The following SVEP1 variants were observed in gnomAD, a reference collection of about 807,000 sequenced individuals.
SVEP1 encodes sushi, von Willebrand factor type A, EGF and pentraxin domain containing 1.
Under a neutral mutation model 367.3 loss-of-function variants are expected in SVEP1, and 164 were observed. The observed-to-expected ratio is 0.45, with a 90% CI of 0.39 to 0.51. The LOEUF is 0.51. SVEP1 is among the 20% of genes least tolerant of loss of function. The probability of loss-of-function intolerance (pLI) is 0.00; values close to 1 mark genes in which losing one functional copy is unlikely to be tolerated. For missense variants in SVEP1, 4,117 were observed against 4,425.3 expected (o/e 0.93, Z 1.98); for synonymous variants, 1,666 against 1,611.6 (o/e 1.03, Z -0.81).
chr9:110,441,781 TG>T (rs1791742977), intron 27 of SVEP1, among the ~76,000 whole-genome samples: 1 of 152,230 alleles, frequency 6.6e-6, no homozygotes, highest in Non-Finnish European at 1.5e-5. Flanking sequence ...GAAACCTCTT[TG>T]TTGTTTAGGA....
chr9:110,386,193 T>A (rs1408752071), intron 42 of SVEP1, 119 bp from the exon 43 acceptor site: 2 of 1,084,288 alleles, frequency 1.8e-6, no homozygotes, highest in African/African-American at 3.2e-5. Flanking sequence ...ATATAAGGTT[T>A]AAAAATATGG....
At chr9:110,463,001 G>A (rs761008810) in intron 18 of SVEP1, among the ~76,000 whole-genome samples, 9 of 152,068 alleles carry the variant, frequency 5.9e-5, no homozygotes, top group Non-Finnish European at 1.0e-4. Context: ...AACTATGTGA[G>A]ATGATGTATA....
chr9:110,418,756 A>G (rs1828150818), intron 36 of SVEP1, among the ~76,000 whole-genome samples: 1 of 82,148 alleles, frequency 1.2e-5, no homozygotes, highest in African/African-American at 4.6e-5. Context: ...CATCAGACTA[A>G]CAGCGGATCT....
chr9:110,569,813 T>A lies in SVEP1; in HGVS notation c.531+9200A>T, dbSNP rs550494615. Among the ~76,000 whole-genome samples, 6 of 152,340 alleles carry A rather than the reference T, an allele frequency of 3.9e-5. No homozygotes were observed. In the South Asian group the frequency reaches 1.0e-3, roughly 26 times the overall value. ...GCTTACAGCTTACACATTTAGTACA[T>A]CTATGAAATAACTATATGCTCTGAA... On this transcript the variant is annotated intron_variant, in intron 1 of 47. Coordinates refer to ENST00000374469, the MANE Select transcript of SVEP1 (RefSeq NM_153366.4).
At chr9:110,366,915 GC>G (rs1827210418) in intron 47 of SVEP1, among the ~76,000 whole-genome samples, 1 of 152,168 alleles carries the variant, frequency 6.6e-6, no homozygotes, top group Non-Finnish European at 1.5e-5. Context: ...TATGATATTT[GC>G]TTAGGATCAG....
chr9:110,542,871 G>A (rs148448883), intron 3 of SVEP1, among the ~76,000 whole-genome samples: 2 of 150,796 alleles, frequency 1.3e-5, no homozygotes, highest in African/African-American at 2.4e-5. Flanking sequence ...TGTGAATGAC[G>A]AGTTAATGGG....
At chr9:110,436,940 A>C (rs1828438745) in intron 27 of SVEP1, among the ~76,000 whole-genome samples, 1 of 152,146 alleles carries the variant, frequency 6.6e-6, no homozygotes, top group African/African-American at 2.4e-5. Context: ...CGTAATTGCC[A>C]AATTCAATAA....
chr9:110,541,840 TAGATATCTATATATATCTATATAC>T (rs1830152118), intron 3 of SVEP1, among the ~76,000 whole-genome samples: 3 of 138,782 alleles, frequency 2.2e-5, no homozygotes, highest in Admixed American at 1.4e-4. Context: ...TCTATATACA[TAGATATCTATATATATCTATATAC>T]ATAGATATCT....
chr9:110,376,325 T>C (rs1827350643), intron 45 of SVEP1, among the ~76,000 whole-genome samples: 1 of 152,164 alleles, frequency 6.6e-6, no homozygotes, highest in Non-Finnish European at 1.5e-5. Flanking sequence ...CCAAAGTCAA[T>C]GCTTACTAAG....
chr9:110,445,030 A>G (rs1265428201), intron 26 of SVEP1, among the ~76,000 whole-genome samples: 1 of 152,224 alleles, frequency 6.6e-6, no homozygotes, highest in South Asian at 2.1e-4. Flanking sequence ...GCTCATAAGT[A>G]GGCCAACGAT....
intron 41 of SVEP1, among the ~76,000 whole-genome samples, chr9:110,388,668 T>C (rs986737450): frequency 2.0e-5 from 3 of 152,128 alleles, no homozygotes; most frequent in Non-Finnish European, 2.9e-5. Context: ...TAGGGAGCTT[T>C]AAAATGCTAT....
intron 25 of SVEP1, 97 bp downstream of exon 25, chr9:110,446,803 G>A: frequency 9.2e-7 from 1 of 1,089,188 alleles, no homozygotes; most frequent in East Asian, 3.0e-5. Context: ...CATCGTTTTT[G>A]GCCTACGGAC....
At chr9:110,570,211 G>A (rs540839784) in intron 1 of SVEP1, among the ~76,000 whole-genome samples, 2 of 152,148 alleles carry the variant, frequency 1.3e-5, no homozygotes, top group Admixed American at 6.5e-5. Context: ...GGGAAATGCA[G>A]AGACAATACA....
chr9:110,410,085 T>C (rs1216719171), intron 37 of SVEP1, among the ~76,000 whole-genome samples: 1 of 143,464 alleles, frequency 7.0e-6, no homozygotes, highest in East Asian at 2.2e-4. Context: ...TCTCTACTTA[T>C]ACTCTGTACC....
chr9:110,484,649 A>C (rs952860499), intron 9 of SVEP1, among the ~76,000 whole-genome samples: 1 of 152,246 alleles, frequency 6.6e-6, no homozygotes, highest in Non-Finnish European at 1.5e-5. Context: ...TATCAGAGTG[A>C]ACAGACAACC....
chr9:110,370,067 T>C, intron 46 of SVEP1, 51 bp from the exon 47 acceptor site: 1 of 1,535,608 alleles, frequency 6.5e-7, no homozygotes, highest in Admixed American at 1.8e-5. Flanking sequence ...GCAATTCTGA[T>C]GATATCCATA....
chr9:110,403,875 T>A (rs1588036212), intron 39 of SVEP1, among the ~76,000 whole-genome samples: 1 of 144,558 alleles, frequency 6.9e-6, no homozygotes, highest in African/African-American at 2.5e-5. Flanking sequence ...TTTTTACAAA[T>A]AAGGAAACCA....
At chr9:110,397,043 AAG>A (rs1165414004) in intron 40 of SVEP1, among the ~76,000 whole-genome samples, 4 of 152,168 alleles carry the variant, frequency 2.6e-5, no homozygotes, top group African/African-American at 9.7e-5. Context: ...ACAACCAAAA[AAG>A]AGAATTTTAG....
chr9:110,423,148 A>T (rs1409824994), intron 36 of SVEP1, among the ~76,000 whole-genome samples: 1 of 133,790 alleles, frequency 7.5e-6, no homozygotes, highest in Admixed American at 7.7e-5. Flanking sequence ...AAAAAAAAAT[A>T]AAAAAATAAA....
Sources: gnomAD v4.1 joint callset for allele counts (sites outside exome capture counted in the v4.1 genomes callset) on GRCh38, gnomAD v4.1.1 for gene constraint, MANE v1.5 for transcripts, NCBI Gene and HGNC (gene_info 2026-07-23, HGNC 2026-07-21) for gene names.